PCDH11X: variants seen among roughly 807,000 people sequenced by gnomAD.
PCDH11X encodes the protein protocadherin-11 X-linked.
Under a neutral mutation model 53.3 loss-of-function variants are expected in PCDH11X, and 18 were observed. That is an observed-to-expected ratio of 0.34 (90% CI 0.23 to 0.50). PCDH11X has a LOEUF of 0.50. Among genes scored for constraint, PCDH11X ranks in the 20% least tolerant of loss-of-function variants. The probability of loss-of-function intolerance (pLI) is 0.98; values close to 1 mark genes in which losing one functional copy is unlikely to be tolerated. For synonymous variants in PCDH11X, 279 were observed against 393.3 expected (o/e 0.71, Z 3.44); for missense variants, 570 against 1,032.4 (o/e 0.55, Z 6.14).
intron 6 of PCDH11X, among the ~76,000 whole-genome samples, chrX:91,940,107 T>G (rs765391830): frequency 1.7e-3 from 184 of 110,422 alleles, no homozygotes; most frequent in African/African-American, 5.8e-3. Context: ...TTATTGTCCT[T>G]GTGATAATGA....
At chrX:92,263,587 A>T (rs1257371733) in intron 8 of PCDH11X, among the ~76,000 whole-genome samples, 1 of 112,065 alleles carries the variant, frequency 8.9e-6, no homozygotes, top group Non-Finnish European at 1.9e-5. Context: ...TTAATAGGCA[A>T]AATGATGATC....
intron 10 of PCDH11X, among the ~76,000 whole-genome samples, chrX:92,610,379 G>A (rs1388470604): frequency 9.2e-6 from 1 of 109,240 alleles, no homozygotes; most frequent in Non-Finnish European, 1.9e-5. Context: ...ATGTTTGTTG[G>A]CCCCTTGTAT....
At chrX:92,608,608 A>C (rs1269906249) in intron 10 of PCDH11X, among the ~76,000 whole-genome samples, 1 of 110,203 alleles carries the variant, frequency 9.1e-6, no homozygotes, top group East Asian at 2.8e-4. Flanking sequence ...GTGAGTCCAC[A>C]AAGAAGCATG....
intron 5 of PCDH11X, among the ~76,000 whole-genome samples, chrX:91,855,692 T>A (rs921163463): frequency 9.0e-6 from 1 of 110,738 alleles, no homozygotes; most frequent in Non-Finnish European, 1.9e-5. Context: ...TGTTTCATAG[T>A]TTTCGTGATT....
At chrX:92,510,784 T>G (rs1186335310) in intron 10 of PCDH11X, among the ~76,000 whole-genome samples, 2 of 111,779 alleles carry the variant, frequency 1.8e-5, no homozygotes, top group Non-Finnish European at 3.8e-5. Flanking sequence ...TCAGTTTGTC[T>G]TATCCTAATT....
intron 1 of PCDH11X, among the ~76,000 whole-genome samples, chrX:91,794,595 A>G (rs1207992706): frequency 3.6e-5 from 4 of 111,675 alleles, no homozygotes; most frequent in Non-Finnish European, 7.5e-5. Context: ...ATGACTAGCA[A>G]TGTTTTGATG....
intron 6 of PCDH11X, among the ~76,000 whole-genome samples, chrX:91,976,206 C>G (rs1192458488): frequency 9.0e-6 from 1 of 111,322 alleles, no homozygotes. Flanking sequence ...GCATGCGCCA[C>G]CACACCCGGC....
chrX:92,074,910 C>G (rs1333925860), intron 6 of PCDH11X, among the ~76,000 whole-genome samples: 1 of 110,204 alleles, frequency 9.1e-6, no homozygotes, highest in Non-Finnish European at 1.9e-5. Context: ...TTCTATCTAT[C>G]GTGGGGTTAA....
chrX:92,505,217 C>CT (rs35567791), intron 10 of PCDH11X, among the ~76,000 whole-genome samples: 13 of 39,777 alleles, frequency 3.3e-4, no homozygotes, highest in East Asian at 9.7e-4. Context: ...TCACACTTGT[C>CT]TTTTTTTTTT....
intron 1 of PCDH11X, among the ~76,000 whole-genome samples, chrX:91,780,748 G>C (rs200806081): frequency 8.9e-6 from 1 of 112,802 alleles, no homozygotes; most frequent in East Asian, 2.8e-4. Context: ...AGCCGCAAAC[G>C]GGTGTATTTT....
chrX:92,056,071 T>C (rs2063444834), intron 6 of PCDH11X, among the ~76,000 whole-genome samples: 1 of 110,837 alleles, frequency 9.0e-6, no homozygotes, highest in African/African-American at 3.3e-5. Context: ...GATTTCTGTG[T>C]CGAATGGTAT....
chrX:92,273,026 T>C (rs1263771330), intron 8 of PCDH11X, among the ~76,000 whole-genome samples: 8 of 112,225 alleles, frequency 7.1e-5, no homozygotes, highest in Non-Finnish European at 1.5e-4. Flanking sequence ...AGATATATTA[T>C]TTTCTTGTTT....
intron 4 of PCDH11X, among the ~76,000 whole-genome samples, chrX:91,834,426 G>T (rs1190326556): frequency 9.2e-6 from 1 of 108,406 alleles, no homozygotes; most frequent in Non-Finnish European, 1.9e-5. Context: ...CTTTCAACTC[G>T]GTACTGTTTT....
At chrX:92,591,864 G>C (rs1031582831) in intron 10 of PCDH11X, among the ~76,000 whole-genome samples, 1 of 110,570 alleles carries the variant, frequency 9.0e-6, no homozygotes, top group Non-Finnish European at 1.9e-5. Context: ...TAAATTCTTG[G>C]GAATCATGGG....
At chrX:92,104,317 G>C (rs2064328457) in intron 6 of PCDH11X, among the ~76,000 whole-genome samples, 1 of 110,055 alleles carries the variant, frequency 9.1e-6, no homozygotes, top group South Asian at 4.0e-4. Context: ...CTGTAGAAAA[G>C]GAAGATTAGA....
At chrX:91,907,370 A>AACACACAC (rs777259208) in intron 6 of PCDH11X, among the ~76,000 whole-genome samples, 1,455 of 36,054 alleles carry the variant, frequency 0.04, 82 homozygotes, top group South Asian at 0.11. Context: ...CACCACCCTC[A>AACACACAC]ACACACACAC....
intron 10 of PCDH11X, among the ~76,000 whole-genome samples, chrX:92,473,156 A>T (rs1432368754): frequency 1.9e-5 from 2 of 107,557 alleles, no homozygotes; most frequent in African/African-American, 6.8e-5. Flanking sequence ...GGATATGTTC[A>T]GGTTTTGGAT....
At chrX:92,517,075 T>C (rs2074283816) in intron 10 of PCDH11X, among the ~76,000 whole-genome samples, 1 of 112,178 alleles carries the variant, frequency 8.9e-6, no homozygotes, top group East Asian at 2.8e-4. Context: ...AACTAAATAA[T>C]GTCTCACAGT....
intron 6 of PCDH11X, among the ~76,000 whole-genome samples, chrX:91,895,701 G>C (rs933939443): frequency 2.8e-5 from 3 of 107,586 alleles, no homozygotes; most frequent in African/African-American, 1.0e-4. Context: ...ATGTAAGTTT[G>C]ATTTCTGTAC....
Sources: allele counts gnomAD v4.1 joint callset (sites outside exome capture counted in the v4.1 genomes callset), GRCh38; gene constraint gnomAD v4.1.1; transcripts MANE v1.5; gene names NCBI Gene and HGNC (gene_info 2026-07-23, HGNC 2026-07-21).